The following SF1 variants were observed in gnomAD, a reference collection of about 807,000 sequenced individuals.
SF1 encodes branch point-binding protein.
A neutral mutation model predicts 62.5 loss-of-function variants in SF1; 7 were observed. The observed-to-expected ratio is 0.11, with a 90% confidence interval of 0.06 to 0.21. SF1 has a LOEUF of 0.21. Among genes scored for constraint, SF1 ranks in the 10% least tolerant of loss-of-function variants. The pLI is 1.00. For missense variants in SF1, 578 were observed against 884.0 expected, an observed-to-expected ratio of 0.65 and a Z score of 4.39; for synonymous variants, 394 against 323.6, an observed-to-expected ratio of 1.22 and a Z score of -2.33.
intron 1 of SF1, chr11:64,777,455 G>A (rs1162069702): frequency 7.2e-6 from 7 of 973,148 alleles, no homozygotes; most frequent in South Asian, 4.8e-5. Flanking sequence ...CCCCAAAAGA[G>A]ACCAAGAAAG....
Position 64,768,298 on chromosome 11 carries a change from T to C in SF1, c.888-12A>G. 1 of 1,610,610 alleles carries C rather than the reference T, an allele frequency of 6.2e-7. No homozygotes were observed. The highest frequency in any genetic ancestry group is 8.5e-7 in the Non-Finnish European group (1 of 1,178,810). On this transcript the variant is annotated splice_polypyrimidine_tract_variant and intron_variant, in intron 8 of 12. Transcript: ENST00000377390. ...GAGGATCACCAGGCCTGAAGTGGGGTGGGGGACACAAACAGAGAAAGGGGA... is the reference window on the plus strand; with the variant it reads ...GAGGATCACCAGGCCTGAAGTGGGGCGGGGGACACAAACAGAGAAAGGGGA...
intron 9 of SF1, 73 bp from the exon 10 acceptor site, chr11:64,767,917 C>A (rs1405307747): frequency 1.9e-6 from 3 of 1,562,832 alleles, no homozygotes; most frequent in African/African-American, 2.7e-5. Flanking sequence ...CGGGTTATGA[C>A]ACAGGACCAG....
In SF1 at chr11:64,770,305, T is replaced by C; in HGVS notation, c.340A>G (p.Thr114Ala). ...KLEEERHNLITEMVALNPDFK... is the reference protein window; with the variant it reads ...KLEEERHNLIAEMVALNPDFK... ...TCCGGATTGAGTGCAACCATCTCTG[T>C]GATGAGGTTGTGCCGCTCCTCTTCC... Residue 114 changes from threonine to alanine, a missense_variant, in exon 4 of 13, where the codon ACA becomes GCA. This residue lies in a region of SF1 where 68 missense variants were observed against 170.7 expected (regional missense o/e 0.40). Coordinates refer to ENST00000377390, the MANE Select transcript of SF1 (RefSeq NM_004630.4). 1 of 1,614,028 alleles carries C rather than the reference T, an allele frequency of 6.2e-7. No homozygotes were observed. The highest frequency in any genetic ancestry group is 8.5e-7 in the Non-Finnish European group (1 of 1,179,998).
At chr11:64,772,353 G>A (rs1938457737) in intron 3 of SF1, 1 of 982,640 alleles carries the variant, frequency 1.0e-6, no homozygotes, top group South Asian at 4.7e-5. Context: ...AAAAAGAAAC[G>A]AAACACAACA....
At position 64,765,469 on chromosome 11, in the gene SF1, G is replaced by T; in HGVS notation, c.*349C>A. 2 of 1,613,532 alleles carry T rather than the reference G, an allele frequency of 1.2e-6. No individual in the cohort carries two copies. The highest frequency in any genetic ancestry group is 1.7e-6 in the Non-Finnish European group (2 of 1,179,752). On this transcript the variant is annotated 3_prime_UTR_variant, in exon 13 of 13. Coordinates refer to ENST00000377390, the MANE Select transcript of SF1 (RefSeq NM_004630.4). Reference sequence around the variant, plus strand: ...CCTGGAAGGGTCACCAATGGGCGCGGAAAGTCCTCACTCTCATGGCTCGGG... The same window carrying T: ...CCTGGAAGGGTCACCAATGGGCGCGTAAAGTCCTCACTCTCATGGCTCGGG...
rs377508417 is a variant in SF1, at chr11:64,776,488, G to A, written c.160+10C>T. The stretch of plus-strand genomic sequence containing the variant: ...CTCAAAGTGCATTTGGATGCAGAAC[G>A]TATATTTACCTATATAAGCTCTTTC... On this transcript the variant is annotated intron_variant, in intron 2 of 12. Coordinates refer to ENST00000377390, the MANE Select transcript of SF1 (RefSeq NM_004630.4). The A allele has an allele frequency of 6.5e-5, 102 of 1,565,960 alleles. No homozygotes were observed. The highest frequency in any genetic ancestry group is 8.4e-5 in the South Asian group (7 of 82,982).
intron 4 of SF1, 30 bp downstream of exon 4, chr11:64,770,226 C>T (rs1180694394): frequency 3.7e-6 from 6 of 1,606,868 alleles, no homozygotes; most frequent in Non-Finnish European, 4.3e-6. Flanking sequence ...CATGTGTCTT[C>T]ATCCCAGATG....
At chr11:64,770,100 C>T in intron 4 of SF1, 47 bp from the exon 5 acceptor site, 1 of 1,582,600 alleles carries the variant, frequency 6.3e-7, no homozygotes, top group South Asian at 1.1e-5. Flanking sequence ...GAGAATGACA[C>T]AGCCAGCGGC....
chr11:64,778,498 G>C lies in SF1; in HGVS notation c.-106C>G, dbSNP rs1308778488. 8.4e-7 allele frequency: 1 copy of C among 1,193,480 alleles called. No individual in the cohort carries two copies. Among genetic ancestry groups the C allele is most frequent in the South Asian group, 4.2e-5 (1 of 24,012 alleles). The allele number at this position is 1,193,480 out of a possible 1,614,324, so 73.9% of individuals were successfully genotyped here. A position where few individuals can be genotyped will look rare whatever the true frequency, so the allele number is the denominator to read the frequency against. On this transcript the variant is annotated 5_prime_UTR_variant, in exon 1 of 13. Transcript: ENST00000377390. ...CCCGAATGCGCTGCCGGAGCGCGCG[G>C]AGCCCGTCCTCTCACGCGGCGGGCG...
rs781155382 is a variant in SF1 at position 64,767,624 on chromosome 11, G to T, written c.1289C>A (p.Pro430Gln). The T allele has an allele frequency of 3.1e-6, 5 of 1,590,998 alleles. No individual in the cohort carries two copies. Among genetic ancestry groups the T allele is most frequent in the Non-Finnish European group, 1.7e-6 (2 of 1,169,316 alleles). ...PPPPWMQPPP[P>Q]PMNQGPHPPG... ...AGGGTGGGGGCCCTGGTTCATCGGT[G>T]GTGGTGGTGGCTGCATCCAAGGGGG... The change falls in exon 10 of 13, where the codon CCA becomes CAA. Residue 430 changes from proline to glutamine, a missense_variant. Around this residue, in one of 7 missense-constraint regions of SF1, gnomAD observed 410 missense variants for 452.4 expected, o/e 0.91. Transcript: ENST00000377390.
Position 64,770,062 on chromosome 11 carries a change from G to A in SF1, c.390-9C>T. 1 of 1,610,996 alleles carries A rather than the reference G, an allele frequency of 6.2e-7. No individual in the cohort carries two copies. Among genetic ancestry groups the A allele is most frequent in the Non-Finnish European group, 8.5e-7 (1 of 1,177,280 alleles). On this transcript the variant is annotated splice_polypyrimidine_tract_variant and intron_variant, in intron 4 of 12. Transcript: ENST00000377390. ...CACGTGTTGCTGGAGGTCTAAGAAA[G>A]AAAAGCCTGTGTCACCGCACATTTC...
In SF1 at chr11:64,769,344, G is replaced by A. The variant is rs777682941; in HGVS notation, c.664-6C>T. The A allele has an allele frequency of 1.2e-5, 19 of 1,613,918 alleles. No individual in the cohort carries two copies. The South Asian group carries it at 2.0e-4, about 17-fold the overall frequency. ...TGCTTCAGGATGTTTCTTATCTAGT[G>A]AAAATGCAATGGACAGTTAAGTGCT... On this transcript the variant is annotated splice_polypyrimidine_tract_variant and splice_region_variant and intron_variant, in intron 6 of 12. Transcript: ENST00000377390.
rs2058783016 is a variant in SF1 at position 64,767,694 on chromosome 11, C to T, written c.1219G>A (p.Gly407Arg). ...FPHPLPSLTG[G>R]HGGHPMQHNP... ...TGCTGCATGGGATGTCCACCATGCC[C>T]ACCTGTCAGGCTGGGTAATGGGTGT... The change falls in exon 10 of 13, where the codon GGG (glycine) becomes AGG (arginine). Residue 407 changes from glycine (G) to arginine (R), a missense_variant. By Grantham distance (125) the Gly-to-Arg change is moderately radical (BLOSUM62 -2). Transcript: ENST00000377390. 6.2e-7 allele frequency: 1 copy of T among 1,611,206 alleles called. No homozygotes were observed. Among genetic ancestry groups the T allele is most frequent in the African/African-American group, 1.3e-5 (1 of 74,770 alleles).
At position 64,767,182 on chromosome 11, in the gene SF1, C is replaced by T. The variant is rs1255154244; in HGVS notation, c.1402+10G>A. 6.2e-7 allele frequency: 1 copy of T among 1,613,892 alleles called. No individual in the cohort carries two copies. Among genetic ancestry groups the T allele is most frequent in the African/African-American group, 1.3e-5 (1 of 74,908 alleles). On this transcript the variant is annotated intron_variant, in intron 11 of 12. Transcript: ENST00000377390. ...TAGGTGAAGACCCACAGCCAGCAGA[C>T]AGCCATTACCTTTTCCTTGATGCAG...
intron 2 of SF1, among the ~76,000 whole-genome samples, chr11:64,774,409 T>C (rs1032213425): frequency 2.0e-5 from 3 of 152,138 alleles, no homozygotes; most frequent in Admixed American, 6.5e-5. Flanking sequence ...TCCAAGATAA[T>C]GGGAACTGCA....
At chr11:64,777,923 C>T in intron 1 of SF1, 1 of 968,118 alleles carries the variant, frequency 1.0e-6, no homozygotes, top group Non-Finnish European at 1.2e-6. Context: ...GCCGCCGCCG[C>T]GCGCCCCTCA....
intron 5 of SF1, 95 bp from the exon 6 acceptor site, chr11:64,769,704 A>G: frequency 8.7e-7 from 1 of 1,144,326 alleles, no homozygotes; most frequent in Non-Finnish European, 1.3e-6. Context: ...GGAAACCACA[A>G]GCGCAGAGAA....
rs757678706 is a variant in SF1, at chr11:64,769,249, A to G, written c.753T>C (p.Asn251=). The G allele has an allele frequency of 6.2e-6, 10 of 1,614,176 alleles. No homozygotes were observed. The highest frequency in any genetic ancestry group is 8.5e-6 in the Non-Finnish European group (10 of 1,180,032). The change falls in exon 7 of 13, where the codon AAT becomes AAC. Residue 251 remains asparagine, a synonymous_variant. Coordinates refer to ENST00000377390, the MANE Select transcript of SF1 (RefSeq NM_004630.4). ...KMQLRELARL[N]GTLREDDNRI... ...TGTTATCGTCTTCCCGAAGGGTCCC[A>G]TTTAAGCGAGCCAACTCCCGAAGCT...
rs2058568627 is a variant in SF1 at position 64,765,353 on chromosome 11, GAGCC to G, written c.*461_*464del. On this transcript the variant is annotated 3_prime_UTR_variant, in exon 13 of 13. Coordinates refer to ENST00000377390, the MANE Select transcript of SF1 (RefSeq NM_004630.4). ...AAATTAATAAAAATTTCACGATATG[GAGCC>G]AGCGTGTTCCGATTCCGTCCACAAA... 5.0e-6 allele frequency: 4 copies of G among 802,196 alleles called. No homozygotes were observed. The East Asian group carries it at 1.0e-4, about 20-fold the overall frequency. 49.7% of individuals were successfully genotyped at this position (802,196 alleles called of 1,614,324 possible).
Sources: gnomAD v4.1 joint callset for allele counts (sites outside exome capture counted in the v4.1 genomes callset) on GRCh38, gnomAD v4.1.1 for gene constraint, gnomAD v4.1.1 regional missense constraint, MANE v1.5 for transcripts, NCBI Gene and HGNC (gene_info 2026-07-23, HGNC 2026-07-21) for gene names.